Variants in SIPA1L1 observed in about 807,000 individuals in gnomAD.
SIPA1L1 encodes the protein signal induced proliferation associated 1 like 1.
SIPA1L1 carries 26 observed loss-of-function variants against 162.7 expected under a neutral mutation model. The ratio of observed to expected loss-of-function variants is 0.16; its 90% CI spans 0.12 to 0.22. The LOEUF is 0.22. Among genes scored for constraint, SIPA1L1 ranks in the 10% least tolerant of loss-of-function variants. The pLI, the probability that SIPA1L1 is intolerant of heterozygous loss-of-function variation, is 1.00. For missense variants in SIPA1L1, 1,874 were observed against 2,241.0 expected (o/e 0.84, Z 3.31); for synonymous variants, 829 against 837.4 (o/e 0.99, Z 0.17).
intron 19 of SIPA1L1, among the ~76,000 whole-genome samples, chr14:71,725,414 A>G (rs1303868555): frequency 6.6e-6 from 1 of 152,214 alleles, no homozygotes; most frequent in Non-Finnish European, 1.5e-5. Flanking sequence ...ACACCTTCAG[A>G]ACTTTCCAAA....
rs115407641 is a variant in SIPA1L1 at position 71,580,509 on chromosome 14, G to A, written c.-302-7062G>A. Among the ~76,000 whole-genome samples, 76 of 152,240 alleles carry A rather than the reference G, an allele frequency of 5.0e-4. 1 individual carries two copies. The highest frequency in any genetic ancestry group is 1.8e-3 in the African/African-American group (74 of 41,530). ...ATATAAGGAAAGCATCTGTAAATGA[G>A]GAGATATAAGCAATTGTGTTAATCA... On this transcript the variant is annotated intron_variant, in intron 4 of 23. Coordinates refer to ENST00000381232, the MANE Select transcript of SIPA1L1 (RefSeq NM_001386936.1).
At chr14:71,396,650 A>G (rs2041228228) in intron 2 of SIPA1L1, among the ~76,000 whole-genome samples, 1 of 151,966 alleles carries the variant, frequency 6.6e-6, no homozygotes, top group African/African-American at 2.4e-5. Context: ...TTTGGTAAAA[A>G]CTTTTTTTTT....
At chr14:71,694,005 A>G (rs141886646) in intron 13 of SIPA1L1, among the ~76,000 whole-genome samples, 768 of 152,332 alleles carry the variant, frequency 5.0e-3, no homozygotes, top group Middle Eastern at 0.027. Flanking sequence ...AAGAAATAGA[A>G]TAGAGATTTA....
intron 5 of SIPA1L1, among the ~76,000 whole-genome samples, chr14:71,604,524 T>C (rs758683355): frequency 3.5e-4 from 53 of 152,156 alleles, no homozygotes; most frequent in Non-Finnish European, 1.3e-4. Flanking sequence ...CTTCCAGGGC[T>C]AGGACTCACT....
Position 71,618,789 on chromosome 14 carries a change from C to A in SIPA1L1, c.1531C>A (p.Leu511Ile). 1 of 1,613,914 alleles carries A rather than the reference C, an allele frequency of 6.2e-7. No homozygotes were observed. Among genetic ancestry groups the A allele is most frequent in the South Asian group, 1.1e-5 (1 of 91,062 alleles). ...HWNYFGADEN[L>I]GPVAVSIRRE... ...GAACTATTTTGGGGCTGATGAGAAT[C>A]TTGGTCCAGTGGCTGTGAGCATTCG... is the stretch of plus-strand genomic sequence containing the variant. Residue 511 changes from leucine (L) to isoleucine (I), a missense_variant, in exon 6 of 24, where the codon CTT becomes ATT. Physicochemically the swap from Leu to Ile is conservative, Grantham distance 5. This residue lies in a region of SIPA1L1 where 685 missense variants were observed against 828.0 expected (regional missense o/e 0.83). Transcript: ENST00000381232.
At chr14:71,543,754 A>T (rs1446738760) in intron 4 of SIPA1L1, among the ~76,000 whole-genome samples, 9 of 123,350 alleles carry the variant, frequency 7.3e-5, no homozygotes, top group Admixed American at 1.6e-4. Flanking sequence ...TTTCTAAATT[A>T]TCTTCGTTGT....
chr14:71,659,700 G>A (rs1159626880), intron 9 of SIPA1L1, among the ~76,000 whole-genome samples: 1 of 152,022 alleles, frequency 6.6e-6, no homozygotes, highest in Non-Finnish European at 1.5e-5. Flanking sequence ...GATTTGTAAG[G>A]GTAAAAAATT....
At chr14:71,464,314 A>G (rs959367108) in intron 2 of SIPA1L1, among the ~76,000 whole-genome samples, 4 of 152,154 alleles carry the variant, frequency 2.6e-5, no homozygotes, top group Non-Finnish European at 5.9e-5. Context: ...ATAAACTATT[A>G]GAACCTTTCT....
chr14:71,581,867 TCTAC>T (rs2033978714), intron 4 of SIPA1L1, among the ~76,000 whole-genome samples: 1 of 152,228 alleles, frequency 6.6e-6, no homozygotes, highest in Non-Finnish European at 1.5e-5. Flanking sequence ...CTTTTACCTT[TCTAC>T]TTACTACCTT....
intron 4 of SIPA1L1, among the ~76,000 whole-genome samples, chr14:71,543,868 C>CGTAT (rs1567178708): frequency 1.5e-5 from 2 of 134,830 alleles, no homozygotes; most frequent in Non-Finnish European, 3.2e-5. Context: ...ATATATCATA[C>CGTAT]GTATGTGTAT....
rs182301393 is a variant in SIPA1L1, at chr14:71,685,663, C to G, written c.3374+32C>G. 10 of 1,609,438 alleles carry G rather than the reference C, an allele frequency of 6.2e-6. No homozygotes were observed. In the South Asian group the frequency reaches 7.7e-5, roughly 12 times the overall value. On this transcript the variant is annotated intron_variant, in intron 13 of 23. Coordinates refer to ENST00000381232, the MANE Select transcript of SIPA1L1 (RefSeq NM_001386936.1). ...GTGCCTTCAAAGGTTTGCTCTATCTCTCTCTGCCCCAAATGTAAGTAACAC... is the reference window on the plus strand; with the variant it reads ...GTGCCTTCAAAGGTTTGCTCTATCTGTCTCTGCCCCAAATGTAAGTAACAC...
At chr14:71,463,452 G>T (rs910360419) in intron 2 of SIPA1L1, among the ~76,000 whole-genome samples, 1 of 152,182 alleles carries the variant, frequency 6.6e-6, no homozygotes, top group Non-Finnish European at 1.5e-5. Context: ...CTACAGTGAC[G>T]TTTTGGGTCC....
intron 2 of SIPA1L1, among the ~76,000 whole-genome samples, chr14:71,364,361 C>T (rs2038086780): frequency 6.6e-6 from 1 of 152,284 alleles, no homozygotes; most frequent in Middle Eastern, 3.4e-3. Context: ...AAATGTTCCC[C>T]TCCCCAACCC....
At chr14:71,449,554 A>G (rs2045661079) in intron 2 of SIPA1L1, among the ~76,000 whole-genome samples, 1 of 152,196 alleles carries the variant, frequency 6.6e-6, no homozygotes, top group Non-Finnish European at 1.5e-5. Context: ...ATTTTTGTTC[A>G]GATAATGGAG....
intron 13 of SIPA1L1, among the ~76,000 whole-genome samples, chr14:71,695,198 A>T (rs1330097088): frequency 6.6e-6 from 1 of 152,224 alleles, no homozygotes; most frequent in Non-Finnish European, 1.5e-5. Flanking sequence ...ATAAGGGCTA[A>T]TTCTGAATTT....
At chr14:71,526,565 T>C (rs1025523339) in intron 3 of SIPA1L1, among the ~76,000 whole-genome samples, 1 of 152,340 alleles carries the variant, frequency 6.6e-6, no homozygotes, top group South Asian at 2.1e-4. Context: ...CTAAGGCTGG[T>C]GGACTGGCTG....
At chr14:71,359,286 C>G (rs567136346) in intron 2 of SIPA1L1, among the ~76,000 whole-genome samples, 5 of 152,320 alleles carry the variant, frequency 3.3e-5, no homozygotes, top group African/African-American at 1.2e-4. Flanking sequence ...TTTGCTCTTC[C>G]TTCACCTTCC....
intron 4 of SIPA1L1, among the ~76,000 whole-genome samples, chr14:71,544,328 A>G (rs1163906788): frequency 1.3e-5 from 2 of 151,588 alleles, no homozygotes; most frequent in African/African-American, 2.4e-5. Flanking sequence ...ATGTATATAC[A>G]TATATCATGT....
chr14:71,637,186 G>A (rs1459354582), intron 7 of SIPA1L1, among the ~76,000 whole-genome samples: 1 of 148,380 alleles, frequency 6.7e-6, no homozygotes, highest in Non-Finnish European at 1.5e-5. Flanking sequence ...TGATAAAATT[G>A]AAAATCCTCT....
Sources: gnomAD v4.1 joint callset for allele counts (sites outside exome capture counted in the v4.1 genomes callset) on GRCh38, gnomAD v4.1.1 for gene constraint, gnomAD v4.1.1 regional missense constraint, MANE v1.5 for transcripts, NCBI Gene and HGNC (gene_info 2026-07-23, HGNC 2026-07-21) for gene names.